GORASP1: variants seen among roughly 807,000 people sequenced by gnomAD.
The protein encoded by GORASP1 is golgi reassembly stacking protein 1.
In GORASP1, 31 loss-of-function variants were observed where a neutral mutation model predicts 37.7. The ratio of observed to expected loss-of-function variants is 0.82; its 90% CI spans 0.62 to 1.11. GORASP1 has a LOEUF of 1.11. GORASP1 is among the 50% of genes least tolerant of loss of function. The pLI, the probability that GORASP1 is intolerant of heterozygous loss-of-function variation, is 0.00. For missense variants in GORASP1, 476 were observed against 560.7 expected (o/e 0.85, Z 1.53); for synonymous variants, 204 against 224.8 (o/e 0.91, Z 0.83).
At position 39,100,530 on chromosome 3, in the gene GORASP1, C is replaced by T. The variant is rs2125700537; in HGVS notation, c.567-27G>A. The T allele has an allele frequency of 6.5e-7, 1 of 1,539,464 alleles. No individual in the cohort carries two copies. Among genetic ancestry groups the T allele is most frequent in the East Asian group, 2.3e-5 (1 of 44,310 alleles). ...TGCCGAAGGCCAGAAACATTCAATC[C>T]AGGGGCTTGTCCCACGGCCCTCCCT... On this transcript the variant is annotated intron_variant, in intron 5 of 8. Transcript: ENST00000319283. This position sits in a 1 kb window ranked among gnomAD's most constrained non-coding sequence, Gnocchi z 4.6.
rs1030297706 is a variant in GORASP1, at chr3:39,107,384, C to A, written c.63+95G>T. 2.2e-5 allele frequency: 18 copies of A among 823,602 alleles called. No individual in the cohort carries two copies. In the African/African-American group the frequency reaches 2.7e-4, roughly 12 times the overall value. 51.0% of individuals were successfully genotyped at this position (823,602 alleles called of 1,614,324 possible). On this transcript the variant is annotated intron_variant, in intron 1 of 8. Coordinates refer to ENST00000319283, the MANE Select transcript of GORASP1 (RefSeq NM_031899.4). ...CCAGGCGGAAACACTCGGGCCGGGA[C>A]CCCGCCGCAGTCGCCAGCCAGCCGG...
At chr3:39,107,127 G>A (rs755314166) in intron 1 of GORASP1, 165 of 496,698 alleles carry the variant, frequency 3.3e-4, no homozygotes, top group South Asian at 6.6e-4. Flanking sequence ...GCAGGCGAGC[G>A]TAAATGTGTG....
At position 39,107,594 on chromosome 3, in the gene GORASP1, C is replaced by A; in HGVS notation, c.-53G>T. The A allele has an allele frequency of 6.9e-7, 1 of 1,454,202 alleles. No homozygotes were observed. Among genetic ancestry groups the A allele is most frequent in the Non-Finnish European group, 9.1e-7 (1 of 1,098,702 alleles). The allele number at this position is 1,454,202 out of a possible 1,614,324, so 90.1% of individuals were successfully genotyped here. On this transcript the variant is annotated 5_prime_UTR_variant, in exon 1 of 9. Coordinates refer to ENST00000319283, the MANE Select transcript of GORASP1 (RefSeq NM_031899.4). Reference sequence around the variant, plus strand: ...CCAGTCCCGCTGCGCCTACCCGGACCGACCCGACGCCAGTAGCACCGACTC... The same window carrying A: ...CCAGTCCCGCTGCGCCTACCCGGACAGACCCGACGCCAGTAGCACCGACTC...
chr3:39,102,963 C>A lies in GORASP1; in HGVS notation c.145-82G>T. The stretch of plus-strand genomic sequence containing the variant: ...AGACAAGTCTGGGCCTGAGATGGGG[C>A]AAGGGCCTTAGTGGGCAGCAGCCCT... On this transcript the variant is annotated intron_variant, in intron 2 of 8. Transcript: ENST00000319283. This position sits in a 1 kb window ranked among gnomAD's most constrained non-coding sequence, Gnocchi z 5.0. 7.5e-7 allele frequency: 1 copy of A among 1,329,280 alleles called. No homozygotes were observed. The highest frequency in any genetic ancestry group is 1.7e-5 in the Admixed American group (1 of 59,528). 82.3% of individuals were successfully genotyped at this position (1,329,280 alleles called of 1,614,324 possible).
Position 39,103,612 on chromosome 3 carries a change from T to C in GORASP1, c.64-59A>G. 1 of 1,349,102 alleles carries C rather than the reference T, an allele frequency of 7.4e-7. No homozygotes were observed. Among genetic ancestry groups the C allele is most frequent in the Non-Finnish European group, 1.0e-6 (1 of 966,004 alleles). 83.6% of individuals were successfully genotyped at this position (1,349,102 alleles called of 1,614,324 possible). A position where few individuals can be genotyped will look rare whatever the true frequency, so the allele number is the denominator to read the frequency against. On this transcript the variant is annotated intron_variant, in intron 1 of 8. Transcript: ENST00000319283. The surrounding 1 kb of genome is among the most constrained non-coding windows in gnomAD (Gnocchi z 5.2). Reference sequence around the variant, plus strand: ...AACCCTGGGACTCTCCAAGTAGCCCTCTCCCCCATTTCAGGAACCATCAGC... The same window carrying C: ...AACCCTGGGACTCTCCAAGTAGCCCCCTCCCCCATTTCAGGAACCATCAGC...
rs1488833014 is a variant in GORASP1 at position 39,105,032 on chromosome 3, C to T, written c.64-1479G>A. On this transcript the variant is annotated intron_variant, in intron 1 of 8. Transcript: ENST00000319283. The surrounding 1 kb of genome is among the most constrained non-coding windows in gnomAD (Gnocchi z 5.4). ...CTTCCCTCCCCACTCCCCAGTATTGCATGTCAGCTGCTCTCCATCATGAAT... is the reference window on the plus strand; with the variant it reads ...CTTCCCTCCCCACTCCCCAGTATTGTATGTCAGCTGCTCTCCATCATGAAT... 6.6e-6 allele frequency among the ~76,000 whole-genome samples: 1 copy of T among 152,186 alleles called. No individual in the cohort carries two copies. Among genetic ancestry groups the T allele is most frequent in the Non-Finnish European group, 1.5e-5 (1 of 68,032 alleles).
intron 3 of GORASP1, chr3:39,101,507 C>T (rs1325318852): frequency 1.5e-5 from 7 of 460,470 alleles, no homozygotes; most frequent in South Asian, 6.2e-5. Context: ...AAGAAAAGCA[C>T]ACCTTGGCTA....
Position 39,098,296 on chromosome 3 carries a change from T to TAGGCCC in GORASP1, c.1257_1262dup (p.Gly420_Leu421dup), listed in dbSNP as rs777465573. ...GCCCCTCAGCCTCCGTCCCAGTATCTAGGCCCTCTGTGCTTGCTGGTTCCT... is the reference window on the plus strand; with the variant it reads ...GCCCCTCAGCCTCCGTCCCAGTATCTAGGCCCAGGCCCTCTGTGCTTGCTGGTTCCT... On this transcript the variant is annotated inframe_insertion, in exon 9 of 9. Transcript: ENST00000319283. This position sits in a 1 kb window ranked among gnomAD's most constrained non-coding sequence, Gnocchi z 4.7. The TAGGCCC allele has an allele frequency of 6.8e-6, 11 of 1,614,212 alleles. No homozygotes were observed. The highest frequency in any genetic ancestry group is 9.3e-6 in the Non-Finnish European group (11 of 1,180,044).
At position 39,102,591 on chromosome 3, in the gene GORASP1, T is replaced by C; in HGVS notation, c.348+87A>G. The C allele has an allele frequency of 7.6e-7, 1 of 1,318,690 alleles. No homozygotes were observed. The highest frequency in any genetic ancestry group is 1.8e-4 in the Middle Eastern group (1 of 5,510). 81.7% of individuals were successfully genotyped at this position (1,318,690 alleles called of 1,614,324 possible). A position where few individuals can be genotyped will look rare whatever the true frequency, so the allele number is the denominator to read the frequency against. On this transcript the variant is annotated intron_variant, in intron 3 of 8. Coordinates refer to ENST00000319283, the MANE Select transcript of GORASP1 (RefSeq NM_031899.4). The surrounding 1 kb of genome is among the most constrained non-coding windows in gnomAD (Gnocchi z 5.0). ...AAGGCTCCCACTCCACTCCTGCATG[T>C]ACCCCCTCACACCCCGCCCACACCC...
chr3:39,101,409 C>G, intron 3 of GORASP1: 1 of 560,548 alleles, frequency 1.8e-6, no homozygotes, highest in Non-Finnish European at 3.4e-6. Flanking sequence ...TTGAACCTCT[C>G]CTAGCCTCAG....
chr3:39,100,153 T>G lies in GORASP1; in HGVS notation c.765+152A>C, dbSNP rs2035602272. On this transcript the variant is annotated intron_variant, in intron 6 of 8. Coordinates refer to ENST00000319283, the MANE Select transcript of GORASP1 (RefSeq NM_031899.4). The surrounding 1 kb of genome is among the most constrained non-coding windows in gnomAD (Gnocchi z 4.6). ...CAGGAAAGCCAAAAGTGAGTTTCAC[T>G]GCTCCAGGCATGGCCTGCCTGCTCC... 1 of 731,660 alleles carries G rather than the reference T, an allele frequency of 1.4e-6. No homozygotes were observed. Among genetic ancestry groups the G allele is most frequent in the Non-Finnish European group, 2.4e-6 (1 of 423,168 alleles). The allele number at this position is 731,660 out of a possible 1,614,324, so 45.3% of individuals were successfully genotyped here.
At position 39,103,862 on chromosome 3, in the gene GORASP1, T is replaced by A. The variant is rs2035873708; in HGVS notation, c.64-309A>T. 3 of 306,072 alleles carry A rather than the reference T, an allele frequency of 9.8e-6. No individual in the cohort carries two copies. In the East Asian group the frequency reaches 2.0e-4, roughly 20 times the overall value. The allele number at this position is 306,072 out of a possible 1,614,324, so 19.0% of individuals were successfully genotyped here. On this transcript the variant is annotated intron_variant, in intron 1 of 8. Coordinates refer to ENST00000319283, the MANE Select transcript of GORASP1 (RefSeq NM_031899.4). This position sits in a 1 kb window ranked among gnomAD's most constrained non-coding sequence, Gnocchi z 5.2. The stretch of plus-strand genomic sequence containing the variant: ...ATGGAGACAGGCTGGCCCAGGCCTG[T>A]GGGAATGCTGCTCTAGAGGGCTAGG...
chr3:39,100,688 A>G lies in GORASP1; in HGVS notation c.566+59T>C. 1 of 1,596,588 alleles carries G rather than the reference A, an allele frequency of 6.3e-7. No individual in the cohort carries two copies. The highest frequency in any genetic ancestry group is 1.1e-5 in the South Asian group (1 of 88,736). ...TCTCCACCATAGAACTCTGAGGTCC[A>G]TGCCCAATGGTCAGGCCCCACCCAC... On this transcript the variant is annotated intron_variant, in intron 5 of 8. Transcript: ENST00000319283. The surrounding 1 kb of genome is among the most constrained non-coding windows in gnomAD (Gnocchi z 4.6).
At position 39,098,595 on chromosome 3, in the gene GORASP1, G is replaced by A. The variant is rs1465682815; in HGVS notation, c.1070-106C>T. On this transcript the variant is annotated intron_variant, in intron 8 of 8. Coordinates refer to ENST00000319283, the MANE Select transcript of GORASP1 (RefSeq NM_031899.4). The surrounding 1 kb of genome is among the most constrained non-coding windows in gnomAD (Gnocchi z 4.7). ...TCCCCATTGCCACTCCAGGTTTGAT[G>A]GGGGATTGGAGATGGAGTGTACAAA... 7 of 1,502,418 alleles carry A rather than the reference G, an allele frequency of 4.7e-6. No individual in the cohort carries two copies. In the East Asian group the frequency reaches 1.1e-4, roughly 24 times the overall value. The allele number at this position is 1,502,418 out of a possible 1,614,324, so 93.1% of individuals were successfully genotyped here. A position where few individuals can be genotyped will look rare whatever the true frequency, so the allele number is the denominator to read the frequency against.
chr3:39,099,897 A>G (rs1158092508), intron 6 of GORASP1, among the ~76,000 whole-genome samples: 1 of 152,154 alleles, frequency 6.6e-6, no homozygotes, highest in Non-Finnish European at 1.5e-5. Context: ...CCAGTGCCCA[A>G]AGGTGCTCTC....
rs1302384509 is a variant in GORASP1, at chr3:39,102,398, A to G, written c.348+280T>C. 7.3e-6 allele frequency: 4 copies of G among 549,428 alleles called. No homozygotes were observed. Among genetic ancestry groups the G allele is most frequent in the Non-Finnish European group, 9.8e-6 (3 of 305,022 alleles). 34.0% of individuals were successfully genotyped at this position (549,428 alleles called of 1,614,324 possible). On this transcript the variant is annotated intron_variant, in intron 3 of 8. Coordinates refer to ENST00000319283, the MANE Select transcript of GORASP1 (RefSeq NM_031899.4). The surrounding 1 kb of genome is among the most constrained non-coding windows in gnomAD (Gnocchi z 5.0). The stretch of plus-strand genomic sequence containing the variant: ...AGTCCAACCACCATTCCAGTAGATG[A>G]TATTTCTACCTTTCAAATTAAGTAA...
In GORASP1 at chr3:39,097,783, C is replaced by G. The variant is rs1192880244; in HGVS notation, c.*453G>C. The stretch of plus-strand genomic sequence containing the variant: ...TCCCTCCTGTGACTAGCATGGTGAT[C>G]AGCCTGAGCCAAGTGTAGCATTGTA... On this transcript the variant is annotated 3_prime_UTR_variant, in exon 9 of 9. Transcript: ENST00000319283. The G allele has an allele frequency of 1.3e-5, 2 of 156,138 alleles. No individual in the cohort carries two copies. Among genetic ancestry groups the G allele is most frequent in the Non-Finnish European group, 2.8e-5 (2 of 71,002 alleles). The allele number at this position is 156,138 out of a possible 1,614,324, so 9.7% of individuals were successfully genotyped here.
Position 39,099,503 on chromosome 3 carries a change from C to T in GORASP1, c.766G>A (p.Ala256Thr). ...GAGGAGCCAGGTGCCTGCAGCAGGG[C>T]CTAGGAAAGAAGAAGAAATGGGTAG... ...TGSRQSDYME[A>T]LLQAPGSSME... The change falls in exon 7 of 9, where the codon GCC (alanine) becomes ACC (threonine). Residue 256 changes from alanine (A) to threonine (T), a missense_variant and splice_region_variant. Physicochemically the swap from Ala to Thr is moderately conservative, Grantham distance 58. Transcript: ENST00000319283. The T allele has an allele frequency of 1.2e-6, 2 of 1,608,428 alleles. No homozygotes were observed. Among genetic ancestry groups the T allele is most frequent in the Non-Finnish European group, 1.7e-6 (2 of 1,177,746 alleles).
chr3:39,098,796 G>C lies in GORASP1; in HGVS notation c.1014C>G (p.Val338=). 6.2e-7 allele frequency: 1 copy of C among 1,614,194 alleles called. No homozygotes were observed. Among genetic ancestry groups the C allele is most frequent in the South Asian group, 1.1e-5 (1 of 91,090 alleles). ...PSSTELTTTA[V]STSGPEDICS... Reference sequence around the variant, plus strand: ...AGATGTCCTCTGGCCCTGAGGTTGAGACAGCTGTGGTGGTCAGTTCTGTGG... The same window carrying C: ...AGATGTCCTCTGGCCCTGAGGTTGACACAGCTGTGGTGGTCAGTTCTGTGG... Residue 338 remains valine (V), a synonymous_variant, in exon 8 of 9, where the codon GTC becomes GTG. Transcript: ENST00000319283. The surrounding 1 kb of genome is among the most constrained non-coding windows in gnomAD (Gnocchi z 4.7).
Sources: allele counts gnomAD v4.1 joint callset (sites outside exome capture counted in the v4.1 genomes callset), GRCh38; gene constraint gnomAD v4.1.1; non-coding constraint Gnocchi (gnomAD v3.1); transcripts MANE v1.5; gene names NCBI Gene and HGNC (gene_info 2026-07-23, HGNC 2026-07-21).